Variants in SYNE2 observed in about 807,000 individuals in gnomAD.
SYNE2 encodes the protein spectrin repeat containing nuclear envelope protein 2, also known as nesprin-2.
Under a neutral mutation model 856.3 loss-of-function variants are expected in SYNE2, and 431 were observed. That is an observed-to-expected ratio of 0.50 (90% CI 0.47 to 0.55). The LOEUF (loss-of-function observed/expected upper bound fraction) is 0.55, where lower values mean the gene tolerates loss of function less well. SYNE2 is among the 20% of genes least tolerant of loss of function. The probability of loss-of-function intolerance (pLI) is 0.00; values close to 1 mark genes in which losing one functional copy is unlikely to be tolerated. For synonymous variants in SYNE2, 2,923 were observed against 2,872.3 expected (o/e 1.02, Z -0.56); for missense variants, 8,129 against 8,023.2 (o/e 1.01, Z -0.50).
chr14:63,899,427 C>T (rs1339699376), intron 1 of SYNE2, among the ~76,000 whole-genome samples: 1 of 152,116 alleles, frequency 6.6e-6, no homozygotes, highest in Admixed American at 6.5e-5. Flanking sequence ...GTCTTGAACT[C>T]CTGACCTCAG....
intron 1 of SYNE2, among the ~76,000 whole-genome samples, chr14:63,793,434 T>G (rs762672477): frequency 1.3e-5 from 2 of 152,198 alleles, no homozygotes; most frequent in South Asian, 4.2e-4. Context: ...CAGTTCCATT[T>G]CTACTGTCGA....
chr14:64,152,242 G>A (rs573218877), intron 84 of SYNE2, among the ~76,000 whole-genome samples: 1 of 152,260 alleles, frequency 6.6e-6, no homozygotes, highest in South Asian at 2.1e-4. Context: ...TGAGAAAATG[G>A]AGACTGAAAG....
intron 1 of SYNE2, among the ~76,000 whole-genome samples, chr14:63,871,057 G>C (rs933010849): frequency 1.3e-5 from 2 of 151,880 alleles, no homozygotes; most frequent in Admixed American, 1.3e-4. Context: ...AAGATTTGAT[G>C]GTTAAATAAG....
intron 21 of SYNE2, 130 bp downstream of exon 21, chr14:63,991,245 C>A (rs2153486146): frequency 1.0e-6 from 1 of 955,774 alleles, no homozygotes; most frequent in Non-Finnish European, 1.6e-6. Flanking sequence ...TCCCAGTATT[C>A]TATATTGTTC....
At chr14:64,152,417 T>TA in intron 84 of SYNE2, 147 bp from the exon 85 acceptor site, 1 of 767,686 alleles carries the variant, frequency 1.3e-6, no homozygotes, top group East Asian at 2.7e-5. Context: ...CTAAGAGTAT[T>TA]ATGATTTAAA....
chr14:64,052,823 T>C lies in SYNE2; in HGVS notation c.8910T>C (p.Asn2970=), dbSNP rs1280298301. Residue 2970 remains asparagine (N), a synonymous_variant, in exon 48 of 116, where the codon AAT becomes AAC. Coordinates refer to ENST00000555002, the MANE Select transcript of SYNE2 (RefSeq NM_182914.3). The stretch of plus-strand genomic sequence containing the variant: ...TACAGCGCAATGAACTATTACTTAA[T>C]CAAGAAGTAAATAAAGGTGTTAAAG... ...DSIQRNELLL[N]QEVNKGVKEE... 6.2e-7 allele frequency: 1 copy of C among 1,612,726 alleles called. No homozygotes were observed. The highest frequency in any genetic ancestry group is 8.5e-7 in the Non-Finnish European group (1 of 1,179,772).
intron 84 of SYNE2, among the ~76,000 whole-genome samples, chr14:64,148,307 C>T (rs1473718970): frequency 3.3e-5 from 5 of 152,054 alleles, no homozygotes; most frequent in Non-Finnish European, 7.4e-5. Flanking sequence ...AAAGCAAGAC[C>T]CCATCTCTAA....
At chr14:64,086,056 G>A (rs1430991562) in intron 57 of SYNE2, among the ~76,000 whole-genome samples, 1 of 152,070 alleles carries the variant, frequency 6.6e-6, no homozygotes, top group Non-Finnish European at 1.5e-5. Context: ...TTATTCTTTT[G>A]TGTTGCATTC....
chr14:63,782,467 C>CAA (rs35413633), intron 1 of SYNE2, among the ~76,000 whole-genome samples: 1,095 of 48,132 alleles, frequency 0.023, 40 homozygotes, highest in East Asian at 0.034. Context: ...AACTCCATCT[C>CAA]AAAAAAAAAA....
chr14:63,942,480 G>A (rs2153418382), intron 6 of SYNE2, among the ~76,000 whole-genome samples: 1 of 151,980 alleles, frequency 6.6e-6, no homozygotes, highest in East Asian at 1.9e-4. Flanking sequence ...CACCATGCCT[G>A]GCTAATTTTC....
chr14:64,024,518 T>G (rs972306795), intron 39 of SYNE2, 59 bp downstream of exon 39: 17 of 1,531,742 alleles, frequency 1.1e-5, no homozygotes, highest in Admixed American at 1.7e-5. Context: ...TTATTTGTAC[T>G]CTGCCTCAGC....
chr14:63,852,095 G>A (rs1890574735), upstream of SYNE2, among the ~76,000 whole-genome samples: 1 of 147,576 alleles, frequency 6.8e-6, no homozygotes, highest in East Asian at 2.0e-4. Context: ...CTGTACTCCA[G>A]CCTGGGCGAC....
chr14:64,132,157 G>A, intron 76 of SYNE2, 108 bp from the exon 77 acceptor site: 1 of 1,329,806 alleles, frequency 7.5e-7, no homozygotes, highest in Non-Finnish European at 1.1e-6. Flanking sequence ...GGATGTCCTG[G>A]GATTTTGGAT....
intron 103 of SYNE2, 85 bp downstream of exon 103, chr14:64,210,209 C>A: frequency 6.7e-7 from 1 of 1,493,568 alleles, no homozygotes; most frequent in Non-Finnish European, 9.0e-7. Context: ...TGGCACAAAG[C>A]AGCAGGTAGA....
chr14:63,841,961 T>A (rs1414492263), intron 1 of SYNE2, among the ~76,000 whole-genome samples: 2 of 151,078 alleles, frequency 1.3e-5, no homozygotes, highest in Admixed American at 6.6e-5. Context: ...GCCTTCCGAG[T>A]AGCTGGGACT....
chr14:64,021,639 G>A (rs2096936801), intron 36 of SYNE2, 124 bp downstream of exon 36: 1 of 1,277,566 alleles, frequency 7.8e-7, no homozygotes, highest in Non-Finnish European at 1.1e-6. Flanking sequence ...CAGAAAAACC[G>A]CTTTTGTATA....
chr14:63,839,709 AAGAT>A (rs958539770), intron 1 of SYNE2, among the ~76,000 whole-genome samples: 24 of 152,076 alleles, frequency 1.6e-4, no homozygotes, highest in African/African-American at 5.8e-4. Context: ...AAAATAAATA[AAGAT>A]AGATAGATAA....
At chr14:63,865,001 GC>G (rs1169546671) in intron 1 of SYNE2, among the ~76,000 whole-genome samples, 1 of 150,396 alleles carries the variant, frequency 6.6e-6, no homozygotes, top group East Asian at 2.0e-4. Flanking sequence ...TCAAATTCTA[GC>G]TTTGCCATAT....
intron 1 of SYNE2, among the ~76,000 whole-genome samples, chr14:63,863,385 TGTA>T (rs1894277735): frequency 6.6e-6 from 1 of 152,182 alleles, no homozygotes; most frequent in African/African-American, 2.4e-5. Context: ...GAGGACAAGT[TGTA>T]GTATCCTGAG....
Sources: allele counts gnomAD v4.1 joint callset (sites outside exome capture counted in the v4.1 genomes callset), GRCh38; gene constraint gnomAD v4.1.1; transcripts MANE v1.5; gene names NCBI Gene and HGNC (gene_info 2026-07-23, HGNC 2026-07-21).